The following GRIK2 variants were observed in gnomAD, a reference collection of about 807,000 sequenced individuals.
GRIK2 encodes the protein glutamate ionotropic receptor kainate type subunit 2, also known as glutamate receptor ionotropic, kainate 2.
A neutral mutation model predicts 100.3 loss-of-function variants in GRIK2; 32 were observed. That is an observed-to-expected ratio of 0.32 (90% CI 0.24 to 0.43). The LOEUF is 0.43. Ranked by LOEUF, GRIK2 falls within the 20% of genes least tolerant of loss-of-function variation. GRIK2 has a pLI of 1.00. For missense variants in GRIK2, 843 were observed against 1,114.9 expected (o/e 0.76, Z 3.47); for synonymous variants, 417 against 389.4 (o/e 1.07, Z -0.83).
At chr6:101,926,427 A>G (rs946286258) in intron 13 of GRIK2, among the ~76,000 whole-genome samples, 7 of 152,100 alleles carry the variant, frequency 4.6e-5, no homozygotes, top group African/African-American at 1.7e-4. Flanking sequence ...CCATAGCAAG[A>G]CTTTCGTTTT....
chr6:101,559,407 G>C (rs1007569904), intron 2 of GRIK2, among the ~76,000 whole-genome samples: 1 of 151,848 alleles, frequency 6.6e-6, no homozygotes, highest in Non-Finnish European at 1.5e-5. Context: ...CCCCACATAA[G>C]TATTCCTACT....
intron 2 of GRIK2, among the ~76,000 whole-genome samples, chr6:101,414,941 TGTGTGTGTG>T (rs1776051784): frequency 1.7e-5 from 1 of 57,850 alleles, no homozygotes. Flanking sequence ...GTTTTAAACT[TGTGTGTGTG>T]TGTGTGTGTG....
chr6:101,447,394 G>A (rs1448105672), intron 2 of GRIK2, among the ~76,000 whole-genome samples: 2 of 151,478 alleles, frequency 1.3e-5, no homozygotes, highest in African/African-American at 4.8e-5. Flanking sequence ...GGATAACATC[G>A]GTTTCAAAAA....
chr6:101,447,614 TAGA>T (rs1770450915), intron 2 of GRIK2, among the ~76,000 whole-genome samples: 1 of 151,706 alleles, frequency 6.6e-6, no homozygotes, highest in South Asian at 2.1e-4. Context: ...CAGGGAACAT[TAGA>T]AGGAGTGTAG....
At chr6:101,893,578 A>G (rs1787244103) in intron 12 of GRIK2, among the ~76,000 whole-genome samples, 1 of 151,822 alleles carries the variant, frequency 6.6e-6, no homozygotes, top group South Asian at 2.1e-4. Flanking sequence ...TTAACCTGCT[A>G]TATCTTCTTA....
At chr6:101,721,610 CATAA>C (rs1280562686) in intron 7 of GRIK2, among the ~76,000 whole-genome samples, 2 of 151,944 alleles carry the variant, frequency 1.3e-5, no homozygotes, top group Admixed American at 1.3e-4. Flanking sequence ...CTGAAAAATA[CATAA>C]ATAAATAATA....
chr6:101,877,637 G>A (rs1280509995), intron 11 of GRIK2, among the ~76,000 whole-genome samples: 1 of 151,896 alleles, frequency 6.6e-6, no homozygotes, highest in African/African-American at 2.4e-5. Flanking sequence ...AAAAACATCT[G>A]AGTACAAAAT....
chr6:101,694,901 C>A lies in GRIK2; in HGVS notation c.951+8548C>A, dbSNP rs137977136. ...AAAACCAATGCCATATAAAAAAATACCTTGGCCTCATCCCAGTCTTTAAAA... is the reference window on the plus strand; with the variant it reads ...AAAACCAATGCCATATAAAAAAATAACTTGGCCTCATCCCAGTCTTTAAAA... On this transcript the variant is annotated intron_variant, in intron 7 of 16. Coordinates refer to ENST00000369134, the MANE Select transcript of GRIK2 (RefSeq NM_021956.5). Among the ~76,000 whole-genome samples, 65 of 151,242 alleles carry A rather than the reference C, an allele frequency of 4.3e-4. 1 individual carries two copies. Among genetic ancestry groups the A allele is most frequent in the African/African-American group, 1.5e-3 (61 of 41,336 alleles).
intron 12 of GRIK2, among the ~76,000 whole-genome samples, chr6:101,905,345 T>A (rs1788148538): frequency 6.6e-6 from 1 of 151,634 alleles, no homozygotes. Flanking sequence ...TCTGACTCCT[T>A]TTATACAATT....
chr6:101,799,538 A>G, intron 7 of GRIK2, 110 bp from the exon 8 acceptor site: 1 of 772,872 alleles, frequency 1.3e-6, no homozygotes, highest in East Asian at 2.5e-5. Context: ...ATACAAAGAA[A>G]AATGGGATAT....
intron 7 of GRIK2, among the ~76,000 whole-genome samples, chr6:101,713,420 T>G (rs1773851874): frequency 6.6e-6 from 1 of 151,808 alleles, no homozygotes; most frequent in Admixed American, 6.6e-5. Context: ...ATTATTTGTT[T>G]ATGACCTAAT....
intron 7 of GRIK2, among the ~76,000 whole-genome samples, chr6:101,689,528 C>T (rs1321736668): frequency 6.6e-6 from 1 of 152,006 alleles, no homozygotes; most frequent in Non-Finnish European, 1.5e-5. Context: ...AATACAAAAC[C>T]ACTTCGCTTG....
intron 12 of GRIK2, among the ~76,000 whole-genome samples, chr6:101,890,691 C>T (rs12213923): frequency 1.3e-5 from 2 of 151,632 alleles, no homozygotes; most frequent in South Asian, 2.1e-4. Context: ...ATTTTACTCT[C>T]GGAGGTGTAA....
At chr6:101,876,663 T>C (rs1785872207) in intron 11 of GRIK2, among the ~76,000 whole-genome samples, 1 of 151,884 alleles carries the variant, frequency 6.6e-6, no homozygotes, top group Non-Finnish European at 1.5e-5. Context: ...ATTATCCTGG[T>C]GAGACCCTTT....
intron 2 of GRIK2, among the ~76,000 whole-genome samples, chr6:101,589,873 G>A (rs1455911830): frequency 6.6e-6 from 1 of 152,054 alleles, no homozygotes; most frequent in African/African-American, 2.4e-5. Flanking sequence ...CTCAAGAATT[G>A]TGGGTAACTG....
chr6:102,026,155 T>TATATATATA (rs55977956), intron 14 of GRIK2, among the ~76,000 whole-genome samples: 1 of 104,776 alleles, frequency 9.5e-6, no homozygotes, highest in Non-Finnish European at 2.0e-5. Flanking sequence ...TATATATATA[T>TATATATATA]GAAGACAGTA....
chr6:101,577,985 C>T (rs140396109), intron 2 of GRIK2, among the ~76,000 whole-genome samples: 22 of 152,256 alleles, frequency 1.4e-4, no homozygotes, highest in East Asian at 9.7e-4. Flanking sequence ...TCCCAGCATG[C>T]ACTGGCAGCT....
rs1277632412 is a variant in GRIK2 at position 101,487,074 on chromosome 6, A to G, written c.115+87682A>G. ...CTGGTACTTTCCCTCAATTCATACC[A>G]CACAGATGACTACTTACTGTGCCTT... On this transcript the variant is annotated intron_variant, in intron 2 of 16. Transcript: ENST00000369134. Among the ~76,000 whole-genome samples, 2 of 146,740 alleles carry G rather than the reference A, an allele frequency of 1.4e-5. 1 individual carries two copies. Among genetic ancestry groups the G allele is most frequent in the African/African-American group, 5.2e-5 (2 of 38,462 alleles).
intron 2 of GRIK2, among the ~76,000 whole-genome samples, chr6:101,453,126 G>T (rs1487113294): frequency 6.6e-6 from 1 of 151,760 alleles, no homozygotes; most frequent in African/African-American, 2.4e-5. Context: ...ATCTCCAATA[G>T]ATAATGTTAT....
Sources: allele counts gnomAD v4.1 joint callset (sites outside exome capture counted in the v4.1 genomes callset), GRCh38; gene constraint gnomAD v4.1.1; transcripts MANE v1.5; gene names NCBI Gene and HGNC (gene_info 2026-07-23, HGNC 2026-07-21).